Variants in GMDS observed in about 807,000 individuals in gnomAD.
The protein encoded by GMDS is GDP-mannose 4,6 dehydratase.
In GMDS, 20 loss-of-function variants were observed where a neutral mutation model predicts 49.9. That is an observed-to-expected ratio of 0.40 (90% CI 0.28 to 0.58). GMDS has a LOEUF of 0.58. GMDS is among the 20% of genes least tolerant of loss of function. GMDS has a pLI of 0.42. For synonymous variants in GMDS, 177 were observed against 178.6 expected (o/e 0.99, Z 0.07); for missense variants, 362 against 481.4 (o/e 0.75, Z 2.32).
intron 9 of GMDS, among the ~76,000 whole-genome samples, chr6:1,674,560 C>CTTTTTTTTTTTTTTTTTTTTTTTT (rs869292549): frequency 2.7e-5 from 2 of 73,458 alleles, no homozygotes; most frequent in Non-Finnish European, 2.3e-5. Context: ...CTCTCTCTCT[C>CTTTTTTTTTTTTTTTTTTTTTTTT]TTTTTTTTTT....
intron 7 of GMDS, among the ~76,000 whole-genome samples, chr6:1,801,846 AAAG>A (rs556713696): frequency 4.2e-4 from 64 of 152,378 alleles, no homozygotes; most frequent in Middle Eastern, 3.4e-3. Context: ...ATGAGGGGAC[AAAG>A]AAGAACCACA....
intron 8 of GMDS, among the ~76,000 whole-genome samples, chr6:1,735,318 A>T (rs546922855): frequency 1.1e-4 from 17 of 152,338 alleles, no homozygotes; most frequent in East Asian, 9.6e-4. Flanking sequence ...GTTGCTAAGG[A>T]CACGGGTATG....
At chr6:2,225,063 TA>T (rs1181936970) in intron 1 of GMDS, among the ~76,000 whole-genome samples, 3 of 151,888 alleles carry the variant, frequency 2.0e-5, no homozygotes, top group African/African-American at 7.3e-5. Context: ...CTCAGGCCTG[TA>T]ACCTCAGCAC....
At chr6:1,796,791 C>T (rs184091399) in intron 7 of GMDS, among the ~76,000 whole-genome samples, 29 of 152,302 alleles carry the variant, frequency 1.9e-4, no homozygotes, top group South Asian at 6.2e-4. Flanking sequence ...AAGCTTCTTC[C>T]TTCCTCTGCA....
intron 7 of GMDS, among the ~76,000 whole-genome samples, chr6:1,850,744 C>T (rs1581255080): frequency 6.6e-6 from 1 of 152,204 alleles, no homozygotes; most frequent in Non-Finnish European, 1.5e-5. Flanking sequence ...CTATTCCAGA[C>T]GCAGTCAATG....
At chr6:1,764,970 A>G (rs1205551199) in intron 7 of GMDS, among the ~76,000 whole-genome samples, 2 of 152,198 alleles carry the variant, frequency 1.3e-5, no homozygotes, top group Non-Finnish European at 2.9e-5. Flanking sequence ...AGGGAGCTTC[A>G]TGAATTATTG....
intron 7 of GMDS, among the ~76,000 whole-genome samples, chr6:1,854,337 A>G (rs1016932358): frequency 3.9e-5 from 6 of 152,194 alleles, no homozygotes; most frequent in Non-Finnish European, 8.8e-5. Context: ...CACATACCAA[A>G]TTGGAATTTC....
At chr6:1,769,316 A>G (rs60523161) in intron 7 of GMDS, among the ~76,000 whole-genome samples, 2,307 of 152,352 alleles carry the variant, frequency 0.015, 58 homozygotes, top group African/African-American at 0.051. Flanking sequence ...AATGTCCAAT[A>G]CTGGGGTAAC....
intron 4 of GMDS, among the ~76,000 whole-genome samples, chr6:2,034,161 CA>C (rs1157545665): frequency 6.6e-6 from 1 of 152,130 alleles, no homozygotes; most frequent in East Asian, 1.9e-4. Context: ...TCTTCTATAA[CA>C]GGGGTCAGTA....
chr6:2,008,053 A>C (rs1767309669), intron 4 of GMDS, among the ~76,000 whole-genome samples: 1 of 152,222 alleles, frequency 6.6e-6, no homozygotes, highest in Admixed American at 6.5e-5. Flanking sequence ...AGAACATTTT[A>C]AAATTTATCT....
chr6:1,859,470 C>T (rs1434398532), intron 7 of GMDS, among the ~76,000 whole-genome samples: 1 of 152,182 alleles, frequency 6.6e-6, no homozygotes, highest in African/African-American at 2.4e-5. Context: ...GTAATGGCCA[C>T]CAAACGTGCA....
intron 7 of GMDS, among the ~76,000 whole-genome samples, chr6:1,878,854 G>T (rs1289438898): frequency 6.6e-6 from 1 of 152,142 alleles, no homozygotes; most frequent in South Asian, 2.1e-4. Flanking sequence ...AAAAGCAAAT[G>T]ACAGAAAGCA....
At chr6:1,973,863 C>T (rs576549963) in intron 4 of GMDS, among the ~76,000 whole-genome samples, 4 of 152,206 alleles carry the variant, frequency 2.6e-5, no homozygotes, top group Admixed American at 2.6e-4. Context: ...CACAACATGG[C>T]CTGTGGTTAC....
chr6:1,742,300 G>A (rs1290683600), intron 8 of GMDS, among the ~76,000 whole-genome samples, 168 bp downstream of exon 8: 1 of 152,142 alleles, frequency 6.6e-6, no homozygotes, highest in Admixed American at 6.5e-5. Context: ...AATAACACAA[G>A]TAGGGCTGGA....
intron 9 of GMDS, among the ~76,000 whole-genome samples, chr6:1,677,660 G>A (rs1764667502): frequency 1.3e-5 from 2 of 151,986 alleles, no homozygotes; most frequent in South Asian, 4.2e-4. Flanking sequence ...CATGGATGAA[G>A]CTGGAAACCA....
At chr6:1,753,886 G>A (rs1374980874) in intron 7 of GMDS, among the ~76,000 whole-genome samples, 2 of 152,180 alleles carry the variant, frequency 1.3e-5, no homozygotes, top group African/African-American at 4.8e-5. Context: ...CTAAAGCAGT[G>A]TTTAGAGGGT....
chr6:1,876,753 G>T (rs552023860), intron 7 of GMDS, among the ~76,000 whole-genome samples: 1 of 152,118 alleles, frequency 6.6e-6, no homozygotes, highest in East Asian at 1.9e-4. Flanking sequence ...TTAGTTCAAC[G>T]AACTTTTATT....
chr6:2,171,037 C>T (rs968265111), intron 1 of GMDS, among the ~76,000 whole-genome samples: 4 of 152,024 alleles, frequency 2.6e-5, no homozygotes, highest in African/African-American at 9.7e-5. Flanking sequence ...ATGTATCAGA[C>T]TGAAAAAAAT....
At chr6:1,972,337 G>T (rs1764668242) in intron 4 of GMDS, among the ~76,000 whole-genome samples, 1 of 143,856 alleles carries the variant, frequency 7.0e-6, no homozygotes, top group African/African-American at 2.6e-5. Context: ...AGCCATATTA[G>T]ATGCCTTTTC....
Sources: gnomAD v4.1 joint callset for allele counts (sites outside exome capture counted in the v4.1 genomes callset) on GRCh38, gnomAD v4.1.1 for gene constraint, MANE v1.5 for transcripts, NCBI Gene and HGNC (gene_info 2026-07-23, HGNC 2026-07-21) for gene names.